ANKRD33: variants seen among roughly 807,000 people sequenced by gnomAD.
The protein encoded by ANKRD33 is photoreceptor ankyrin repeat protein.
A neutral mutation model predicts 20.6 loss-of-function variants in ANKRD33; 20 were observed. That is an observed-to-expected ratio of 0.97 (90% CI 0.68 to 1.41). ANKRD33 has a LOEUF of 1.41. Among genes scored for constraint, ANKRD33 ranks in the 40% most tolerant of loss-of-function variants. The probability of loss-of-function intolerance (pLI) is 0.00; values close to 1 mark genes in which losing one functional copy is unlikely to be tolerated. For synonymous variants in ANKRD33, 246 were observed against 245.0 expected (o/e 1.00, Z -0.04); for missense variants, 545 against 579.6 (o/e 0.94, Z 0.61).
chr12:51,890,345 G>T, intron 4 of ANKRD33: 1 of 1,010,178 alleles, frequency 9.9e-7, no homozygotes, highest in Non-Finnish European at 1.5e-6. Flanking sequence ...TCCCTATTCT[G>T]CCCTAGGTGG....
In ANKRD33 at chr12:51,888,266, T is replaced by TTGTGCTCCGCGGAGCCTGGGC; in HGVS notation, c.86_106dup (p.Leu29_Val35dup). On this transcript the variant is annotated inframe_insertion, in exon 1 of 5. Coordinates refer to ENST00000301190, the MANE Select transcript of ANKRD33 (RefSeq NM_182608.4). ...CTGGAGGCATTCGGAGACCCAGTGATTGTGCTCCGCGGAGCCTGGGCTGTG... is the reference window on the plus strand; with the variant it reads ...CTGGAGGCATTCGGAGACCCAGTGATTGTGCTCCGCGGAGCCTGGGCTGTGCTCCGCGGAGCCTGGGCTGTG... 1 of 1,614,218 alleles carries TTGTGCTCCGCGGAGCCTGGGC rather than the reference T, an allele frequency of 6.2e-7. No homozygotes were observed. The highest frequency in any genetic ancestry group is 1.1e-5 in the South Asian group (1 of 91,088).
intron 2 of ANKRD33, 82 bp downstream of exon 2, chr12:51,888,900 G>A: frequency 6.3e-7 from 1 of 1,595,246 alleles, no homozygotes; most frequent in Non-Finnish European, 8.5e-7. Flanking sequence ...CCCTGAGAGG[G>A]GTTCAGGGGC....
At chr12:51,889,649 AGG>A in intron 4 of ANKRD33, 167 bp downstream of exon 4, 1 of 1,262,936 alleles carries the variant, frequency 7.9e-7, no homozygotes, top group Non-Finnish European at 1.1e-6. Context: ...ACCTTCCTGG[AGG>A]GGGGGGCACA....
chr12:51,888,369 C>T, intron 1 of ANKRD33, 38 bp downstream of exon 1: 2 of 1,612,918 alleles, frequency 1.2e-6, no homozygotes, highest in Non-Finnish European at 1.7e-6. Context: ...GTGAGTCTCA[C>T]TGGGGTGCTG....
At chr12:51,888,963 C>T (rs763573080) in intron 2 of ANKRD33, 104 bp from the exon 3 acceptor site, 15 of 1,585,386 alleles carry the variant, frequency 9.5e-6, no homozygotes, top group African/African-American at 8.1e-5. Flanking sequence ...CGGGTCTTCA[C>T]GGGGTTTGGG....
chr12:51,891,571 T>C lies in ANKRD33; in HGVS notation c.*266T>C, dbSNP rs1940430360. 1.4e-5 allele frequency: 7 copies of C among 512,874 alleles called. No individual in the cohort carries two copies. The highest frequency in any genetic ancestry group is 2.3e-5 in the Non-Finnish European group (7 of 298,978). 31.8% of individuals were successfully genotyped at this position (512,874 alleles called of 1,614,324 possible). On this transcript the variant is annotated 3_prime_UTR_variant, in exon 5 of 5. Coordinates refer to ENST00000301190, the MANE Select transcript of ANKRD33 (RefSeq NM_182608.4). ...CATACAGAGCATACTCTACAGTGTA[T>C]TCTAAAATAAGACTAAGGAAGCTGT...
At chr12:51,889,241 C>T (rs754351360) in intron 3 of ANKRD33, 45 bp downstream of exon 3, 1 of 1,613,360 alleles carries the variant, frequency 6.2e-7, no homozygotes. Context: ...CCTTTTGATG[C>T]AGACAGGGCC....
rs1162830532 is a variant in ANKRD33, at chr12:51,889,154, G to A, written c.484G>A (p.Asp162Asn). ...TCCTTTCCTTGATGTGAACCAGCAG[G>A]ACAAAGGAGGGGACACGGCCCTCAT... ...HCPFLDVNQQ[D>N]KGGDTALMLA... The change falls in exon 3 of 5, where the codon GAC becomes AAC. Residue 162 changes from aspartate to asparagine, a missense_variant. By Grantham distance (23) the Asp-to-Asn change is conservative. Transcript: ENST00000301190. 1.7e-5 allele frequency: 28 copies of A among 1,614,078 alleles called. No individual in the cohort carries two copies. Among genetic ancestry groups the A allele is most frequent in the African/African-American group, 2.7e-5 (2 of 74,930 alleles).
Position 51,890,937 on chromosome 12 carries a change from C to T in ANKRD33, c.991C>T (p.His331Tyr), listed in dbSNP as rs1355958478. 1.9e-5 allele frequency: 31 copies of T among 1,613,540 alleles called. No homozygotes were observed. Among genetic ancestry groups the T allele is most frequent in the Non-Finnish European group, 2.6e-5 (31 of 1,180,032 alleles). ...TTACHTLCPD[H>Y]PPSLGTRSKS... ...TGCCTGCCACACTCTGTGCCCTGAC[C>T]ATCCACCTTCGCTGGGCACCCGAAG... Residue 331 changes from histidine to tyrosine, a missense_variant, in exon 5 of 5, where the codon CAT becomes TAT. By Grantham distance (83) the His-to-Tyr change is moderately conservative. Transcript: ENST00000301190.
At position 51,890,600 on chromosome 12, in the gene ANKRD33, A is replaced by G. The variant is rs529082731; in HGVS notation, c.654A>G (p.Ala218=). ...CCTTCCCAGGTGCTGACCTGACAGCAGTGGACCCTGTTCGGGGCAAGACGG... is the reference window on the plus strand; with the variant it reads ...CCTTCCCAGGTGCTGACCTGACAGCGGTGGACCCTGTTCGGGGCAAGACGG... ...AMRNRCADLT[A]VDPVRGKTAL... Residue 218 remains alanine (A), a synonymous_variant, in exon 5 of 5, where the codon GCA becomes GCG. Coordinates refer to ENST00000301190, the MANE Select transcript of ANKRD33 (RefSeq NM_182608.4). The G allele has an allele frequency of 6.2e-7, 1 of 1,610,864 alleles. No individual in the cohort carries two copies. The highest frequency in any genetic ancestry group is 8.5e-7 in the Non-Finnish European group (1 of 1,179,830).
chr12:51,890,243 C>A, intron 4 of ANKRD33: 1 of 454,578 alleles, frequency 2.2e-6, no homozygotes, highest in South Asian at 2.1e-5. Context: ...CCGATCATCC[C>A]CACCCACCTG....
chr12:51,891,649 G>A lies in ANKRD33; in HGVS notation c.*344G>A. The A allele has an allele frequency of 3.3e-6, 1 of 307,548 alleles. No homozygotes were observed. The highest frequency in any genetic ancestry group is 6.0e-6 in the Non-Finnish European group (1 of 166,240). 19.1% of individuals were successfully genotyped at this position (307,548 alleles called of 1,614,324 possible). A position where few individuals can be genotyped will look rare whatever the true frequency, so the allele number is the denominator to read the frequency against. On this transcript the variant is annotated 3_prime_UTR_variant, in exon 5 of 5. Transcript: ENST00000301190. ...AGATGTATAAAGTAAAAATAACTAAGGAGTGGAACAGTGTATATGGCATAT... is the reference window on the plus strand; with the variant it reads ...AGATGTATAAAGTAAAAATAACTAAAGAGTGGAACAGTGTATATGGCATAT...
chr12:51,889,651 G>C lies in ANKRD33; in HGVS notation c.637+169G>C, dbSNP rs115255481. Reference sequence around the variant, plus strand: ...ATCAATCTAGTTCACCTTCCTGGAGGGGGGGGCACATGATTTGGGCTTCGT... The same window carrying C: ...ATCAATCTAGTTCACCTTCCTGGAGCGGGGGGCACATGATTTGGGCTTCGT... On this transcript the variant is annotated intron_variant, in intron 4 of 4. Transcript: ENST00000301190. 522 of 1,276,886 alleles carry C rather than the reference G, an allele frequency of 4.1e-4. 1 individual carries two copies. In the African/African-American group the frequency reaches 5.4e-3, roughly 13 times the overall value. The allele number at this position is 1,276,886 out of a possible 1,614,324, so 79.1% of individuals were successfully genotyped here.
Position 51,888,208 on chromosome 12 carries a change from A to T in ANKRD33, c.22A>T (p.Thr8Ser). 1 of 1,614,140 alleles carries T rather than the reference A, an allele frequency of 6.2e-7. No individual in the cohort carries two copies. The highest frequency in any genetic ancestry group is 8.5e-7 in the Non-Finnish European group (1 of 1,180,000). The change falls in exon 1 of 5, where the codon ACC (threonine) becomes TCC (serine). Residue 8 changes from threonine to serine, a missense_variant. Transcript: ENST00000301190. Reference sequence around the variant, plus strand: ...CTTTATGAAAGTCCAGCCATCTGTTACCTGCGTTGCTTCCTGGGGAGGGAT... The same window carrying T: ...CTTTATGAAAGTCCAGCCATCTGTTTCCTGCGTTGCTTCCTGGGGAGGGAT... MKVQPSVTCVASWGGIVH... is the reference protein window; with the variant it reads MKVQPSVSCVASWGGIVH...
Position 51,889,489 on chromosome 12 carries a change from G to C in ANKRD33, c.637+7G>C. On this transcript the variant is annotated splice_region_variant and intron_variant, in intron 4 of 4. Transcript: ENST00000301190. ...GCTGCCATGCGGAACCGCTGTGAGT[G>C]CGTGGCCACCCTCCTCATGGCAGGT... is the stretch of plus-strand genomic sequence containing the variant. 6.2e-7 allele frequency: 1 copy of C among 1,613,446 alleles called. No homozygotes were observed. Among genetic ancestry groups the C allele is most frequent in the Non-Finnish European group, 8.5e-7 (1 of 1,179,766 alleles).
At chr12:51,889,559 A>C in intron 4 of ANKRD33, 77 bp downstream of exon 4, 1 of 1,550,600 alleles carries the variant, frequency 6.4e-7, no homozygotes, top group South Asian at 1.2e-5. Context: ...TCCCTCCTCC[A>C]AGCCTTCCCA....
chr12:51,889,279 C>T, intron 3 of ANKRD33, 83 bp downstream of exon 3: 1 of 1,608,296 alleles, frequency 6.2e-7, no homozygotes, highest in South Asian at 1.1e-5. Flanking sequence ...GCACGGTGTT[C>T]TACACCAGAC....
rs746165391 is a variant in ANKRD33 at position 51,890,771 on chromosome 12, C to A, written c.825C>A (p.Ala275=). 8 of 1,605,128 alleles carry A rather than the reference C, an allele frequency of 5.0e-6. No individual in the cohort carries two copies. The highest frequency in any genetic ancestry group is 6.8e-6 in the Non-Finnish European group (8 of 1,179,476). ...CCGGGCTCGTGGCCCAGGCCCAGGC[C>A]CAGGCCCAGGTTGCCCCTTCACTCC... ...ALSGLVAQAQ[A]QAQVAPSLLE... Residue 275 remains alanine (A), a synonymous_variant, in exon 5 of 5, where the codon GCC becomes GCA. Transcript: ENST00000301190.
chr12:51,888,409 T>A, intron 1 of ANKRD33, 78 bp downstream of exon 1: 1 of 1,595,088 alleles, frequency 6.3e-7, no homozygotes, highest in Non-Finnish European at 8.5e-7. Flanking sequence ...TGCTTAGGGC[T>A]CCTGACCCAG....
Sources: gnomAD v4.1 joint callset for allele counts on GRCh38, gnomAD v4.1.1 for gene constraint, MANE v1.5 for transcripts, NCBI Gene and HGNC (gene_info 2026-07-23, HGNC 2026-07-21) for gene names.